The following ARAP1 variants were observed in gnomAD, a reference collection of about 807,000 sequenced individuals.
ARAP1 encodes ArfGAP with RhoGAP domain, ankyrin repeat and PH domain 1, also known as arf-GAP with Rho-GAP domain, ANK repeat and PH domain-containing protein 1.
ARAP1 carries 76 observed loss-of-function variants against 172.2 expected under a neutral mutation model. That is an observed-to-expected ratio of 0.44 (90% CI 0.37 to 0.53). ARAP1 has a LOEUF of 0.53. ARAP1 is among the 20% of genes least tolerant of loss of function. The pLI is 0.00. For missense variants in ARAP1, 1,686 were observed against 1,977.5 expected, an observed-to-expected ratio of 0.85 and a Z score of 2.80; for synonymous variants, 804 against 803.3, an observed-to-expected ratio of 1.00 and a Z score of -0.01.
chr11:72,717,561 G>A (rs188612316), intron 3 of ARAP1, among the ~76,000 whole-genome samples: 4 of 152,308 alleles, frequency 2.6e-5, no homozygotes, highest in East Asian at 3.9e-4. Flanking sequence ...CAACTGCGAC[G>A]GGTCTGTGCA....
rs1001755564 is a variant in ARAP1, at chr11:72,693,937, C to T, written c.3695-132G>A. ...TATGCAAGTGCCACGACACAAAACACCACCATCATGACCACCCTTCCCATG... is the reference window on the plus strand; with the variant it reads ...TATGCAAGTGCCACGACACAAAACATCACCATCATGACCACCCTTCCCATG... On this transcript the variant is annotated intron_variant, in intron 27 of 34. Coordinates refer to ENST00000393609, the MANE Select transcript of ARAP1 (RefSeq NM_001040118.3). The surrounding 1 kb of genome is among the most constrained non-coding windows in gnomAD (Gnocchi z 4.6). 1.5e-6 allele frequency: 1 copy of T among 689,518 alleles called. No individual in the cohort carries two copies. Among genetic ancestry groups the T allele is most frequent in the Non-Finnish European group, 2.4e-6 (1 of 415,788 alleles). 42.7% of individuals were successfully genotyped at this position (689,518 alleles called of 1,614,324 possible).
chr11:72,716,172 C>CAAAA (rs201462857), intron 3 of ARAP1, among the ~76,000 whole-genome samples: 11 of 73,262 alleles, frequency 1.5e-4, no homozygotes, highest in East Asian at 9.9e-4. Flanking sequence ...GACTCCGTCT[C>CAAAA]AAAAAAAAAA....
At chr11:72,751,732 T>C (rs187069312) in intron 1 of ARAP1, among the ~76,000 whole-genome samples, 3 of 132,834 alleles carry the variant, frequency 2.3e-5, no homozygotes, top group Non-Finnish European at 4.8e-5. Context: ...CCGCCGGCCC[T>C]GCACCAAACA....
intron 3 of ARAP1, among the ~76,000 whole-genome samples, chr11:72,721,420 T>G (rs1159237775): frequency 1.3e-5 from 2 of 152,010 alleles, no homozygotes; most frequent in East Asian, 3.9e-4. Context: ...TAAGCCAAAC[T>G]AAGCCTCCCC....
At chr11:72,736,341 C>G (rs1305452326) in intron 1 of ARAP1, among the ~76,000 whole-genome samples, 1 of 150,648 alleles carries the variant, frequency 6.6e-6, no homozygotes, top group Non-Finnish European at 1.5e-5. Flanking sequence ...CTCCTGGGCT[C>G]AAGTGATCCT....
rs755699100 is a variant in ARAP1, at chr11:72,712,421, G to A, written c.878+17C>T. 2 of 1,556,472 alleles carry A rather than the reference G, an allele frequency of 1.3e-6. No individual in the cohort carries two copies. Among genetic ancestry groups the A allele is most frequent in the African/African-American group, 2.7e-5 (2 of 73,852 alleles). On this transcript the variant is annotated intron_variant, in intron 6 of 34. Coordinates refer to ENST00000393609, the MANE Select transcript of ARAP1 (RefSeq NM_001040118.3). ...TGAGGTTGGGCTCAGTGGGAAGGAG[G>A]GTGGCCGGACACTCACTTGGGGACG...
chr11:72,719,771 A>G (rs1422171291), intron 3 of ARAP1, among the ~76,000 whole-genome samples: 3 of 152,080 alleles, frequency 2.0e-5, no homozygotes, highest in African/African-American at 7.2e-5. Context: ...CTGACCCTGG[A>G]CTCACCCCAC....
At chr11:72,720,970 C>T (rs939481457) in intron 3 of ARAP1, among the ~76,000 whole-genome samples, 5 of 152,176 alleles carry the variant, frequency 3.3e-5, no homozygotes, top group African/African-American at 7.2e-5. Flanking sequence ...CAGCTCTAAG[C>T]GCTTCCCAGG....
rs1281140868 is a variant in ARAP1, at chr11:72,704,275, G to C, written c.1869C>G (p.Pro623=). Residue 623 remains proline, a synonymous_variant, in exon 14 of 35, where the codon CCC becomes CCG. Coordinates refer to ENST00000393609, the MANE Select transcript of ARAP1 (RefSeq NM_001040118.3). ...TGCTGCTGGGCTGCAGGGCCTCACT[G>C]GGGGGCACGTTGGCTGCCCAGAAGC... ...GNRFWAANVP[P]SEALQPSSSP... The C allele has an allele frequency of 1.2e-6, 2 of 1,612,224 alleles. No individual in the cohort carries two copies. The highest frequency in any genetic ancestry group is 1.3e-5 in the African/African-American group (1 of 74,908).
chr11:72,712,621 C>T lies in ARAP1; in HGVS notation c.748-53G>A, dbSNP rs770680516. On this transcript the variant is annotated intron_variant, in intron 5 of 34. Coordinates refer to ENST00000393609, the MANE Select transcript of ARAP1 (RefSeq NM_001040118.3). ...CCTTCCCTTCAAGCCACAGATCACA[C>T]CCACCCGGGGCTGCCACGCCCCCTC... 1.7e-5 allele frequency: 28 copies of T among 1,607,018 alleles called. No homozygotes were observed. The East Asian group carries it at 6.0e-4, about 35-fold the overall frequency.
rs1391496613 is a variant in ARAP1, at chr11:72,710,133, G to C, written c.1417-157C>G. Among the ~76,000 whole-genome samples the C allele has an allele frequency of 6.6e-6, 1 of 151,846 alleles. No homozygotes were observed. Among genetic ancestry groups the C allele is most frequent in the Non-Finnish European group, 1.5e-5 (1 of 67,944 alleles). The stretch of plus-strand genomic sequence containing the variant: ...CATGGGAGGCTGGGCAGGGTAAGGG[G>C]CTGCAGGTTCAGGGCCCACACAGCA... On this transcript the variant is annotated intron_variant, in intron 10 of 34. Coordinates refer to ENST00000393609, the MANE Select transcript of ARAP1 (RefSeq NM_001040118.3). The surrounding 1 kb of genome is among the most constrained non-coding windows in gnomAD (Gnocchi z 4.3).
chr11:72,744,842 T>C (rs1413677927), intron 1 of ARAP1, among the ~76,000 whole-genome samples: 3 of 152,078 alleles, frequency 2.0e-5, no homozygotes, highest in African/African-American at 2.4e-5. Flanking sequence ...TTCATGTCCG[T>C]GGAACAGAAA....
At chr11:72,719,344 A>G (rs1166310384) in intron 3 of ARAP1, among the ~76,000 whole-genome samples, 1 of 152,268 alleles carries the variant, frequency 6.6e-6, no homozygotes, top group Non-Finnish European at 1.5e-5. Context: ...ATGTCAGGGC[A>G]GCAGGCATAA....
Position 72,695,905 on chromosome 11 carries a change from G to T in ARAP1, c.3273-40C>A. ...AGGAGGGCTTTGAGTGAGGAGTCAG[G>T]CCAGAGCTTCCCATCTCACCCTATT... On this transcript the variant is annotated intron_variant, in intron 23 of 34. Coordinates refer to ENST00000393609, the MANE Select transcript of ARAP1 (RefSeq NM_001040118.3). This position sits in a 1 kb window ranked among gnomAD's most constrained non-coding sequence, Gnocchi z 4.4. The T allele has an allele frequency of 6.3e-7, 1 of 1,584,212 alleles. No individual in the cohort carries two copies. Among genetic ancestry groups the T allele is most frequent in the South Asian group, 1.2e-5 (1 of 84,836 alleles).
chr11:72,710,950 C>A lies in ARAP1; in HGVS notation c.1213+71G>T. The A allele has an allele frequency of 6.2e-7, 1 of 1,601,618 alleles. No individual in the cohort carries two copies. The highest frequency in any genetic ancestry group is 8.5e-7 in the Non-Finnish European group (1 of 1,171,732). On this transcript the variant is annotated intron_variant, in intron 9 of 34. Coordinates refer to ENST00000393609, the MANE Select transcript of ARAP1 (RefSeq NM_001040118.3). This position sits in a 1 kb window ranked among gnomAD's most constrained non-coding sequence, Gnocchi z 4.3. The stretch of plus-strand genomic sequence containing the variant: ...GCAGATGCACCATGACTCTCTTCCC[C>A]CTCCTCTGCCCAAACTTCCAGTCTT...
intron 11 of ARAP1, among the ~76,000 whole-genome samples, chr11:72,709,632 C>T (rs1856919286): frequency 6.6e-6 from 1 of 151,960 alleles, no homozygotes; most frequent in African/African-American, 2.4e-5. Flanking sequence ...CCCTGAGCAG[C>T]ATGGCGGGCA....
intron 13 of ARAP1, 110 bp downstream of exon 13, chr11:72,705,695 T>G (rs1856727299): frequency 1.7e-6 from 2 of 1,202,700 alleles, no homozygotes; most frequent in Admixed American, 5.0e-5. Flanking sequence ...AAGGGTCTCT[T>G]CCAGCTCCAA....
At position 72,702,924 on chromosome 11, in the gene ARAP1, A is replaced by T; in HGVS notation, c.2148T>A (p.Leu716=). ...GCTCACCTGTGGTCCGGTTGTTCCGAAGGAATTCCATCTGCAGCGTCTGCC... is the reference window on the plus strand; with the variant it reads ...GCTCACCTGTGGTCCGGTTGTTCCGTAGGAATTCCATCTGCAGCGTCTGCC... The part of the protein sequence containing the change: ...QAGQTLQMEF[L]RNNRTTEVPR... The change falls in exon 15 of 35, where the codon CTT becomes CTA. Residue 716 remains leucine, a synonymous_variant. Coordinates refer to ENST00000393609, the MANE Select transcript of ARAP1 (RefSeq NM_001040118.3). 6.4e-7 allele frequency: 1 copy of T among 1,556,684 alleles called. No homozygotes were observed. Among genetic ancestry groups the T allele is most frequent in the South Asian group, 1.2e-5 (1 of 84,562 alleles).
Position 72,697,076 on chromosome 11 carries a change from C to T in ARAP1, c.3073G>A (p.Asp1025Asn), listed in dbSNP as rs750655216. 5 of 1,610,118 alleles carry T rather than the reference C, an allele frequency of 3.1e-6. No individual in the cohort carries two copies. Among genetic ancestry groups the T allele is most frequent in the East Asian group, 4.5e-5 (2 of 44,874 alleles). Residue 1025 changes from aspartate (D) to asparagine (N), a missense_variant, in exon 22 of 35, where the codon GAT becomes AAT. Coordinates refer to ENST00000393609, the MANE Select transcript of ARAP1 (RefSeq NM_001040118.3). ...CGCTTGAGCGCCGAGGAAACATCAT[C>T]CACGTGCTGCTCGCCCTCCTTGAGG... ...VHLKEGEQHV[D>N]DVSSALKRFL...
Sources: gnomAD v4.1 joint callset for allele counts (sites outside exome capture counted in the v4.1 genomes callset) on GRCh38, gnomAD v4.1.1 for gene constraint, Gnocchi (gnomAD v3.1) non-coding constraint, MANE v1.5 for transcripts, NCBI Gene and HGNC (gene_info 2026-07-23, HGNC 2026-07-21) for gene names.